The following NUMB variants were observed in gnomAD, a reference collection of about 807,000 sequenced individuals.
NUMB encodes the protein NUMB endocytic adaptor protein, also known as protein numb homolog.
Under a neutral mutation model 59.7 loss-of-function variants are expected in NUMB, and 29 were observed. The observed-to-expected ratio is 0.49, with a 90% CI of 0.36 to 0.66. The LOEUF (loss-of-function observed/expected upper bound fraction) is 0.66. NUMB is among the 30% of genes least tolerant of loss of function. The probability of loss-of-function intolerance (pLI) is 0.00; values close to 1 mark genes in which losing one functional copy is unlikely to be tolerated. For synonymous variants in NUMB, 288 were observed against 288.2 expected (o/e 1.00, Z 0.01); for missense variants, 723 against 822.0 (o/e 0.88, Z 1.47).
intron 2 of NUMB, among the ~76,000 whole-genome samples, chr14:73,380,004 C>A (rs1441562078): frequency 6.6e-6 from 1 of 152,082 alleles, no homozygotes; most frequent in African/African-American, 2.4e-5. Flanking sequence ...AAACAGGGAA[C>A]CAGTTAGAAA....
At chr14:73,379,460 C>T (rs1895125665) in intron 2 of NUMB, among the ~76,000 whole-genome samples, 1 of 152,032 alleles carries the variant, frequency 6.6e-6, no homozygotes. Flanking sequence ...TTTGGAGAGA[C>T]TGTCAAAATA....
intron 2 of NUMB, among the ~76,000 whole-genome samples, chr14:73,377,689 G>A (rs61985812): frequency 1.3e-5 from 2 of 151,792 alleles, no homozygotes; most frequent in African/African-American, 2.4e-5. Flanking sequence ...ATATAGGGCC[G>A]GGCATGGTGG....
intron 5 of NUMB, among the ~76,000 whole-genome samples, chr14:73,322,375 C>T (rs187760863): frequency 6.6e-6 from 1 of 152,318 alleles, no homozygotes; most frequent in Admixed American, 6.5e-5. Context: ...TATCGCATAA[C>T]AGGCAGAGGA....
chr14:73,385,881 C>A lies in NUMB; in HGVS notation c.-100-18900G>T, dbSNP rs377377473. Reference sequence around the variant, plus strand: ...ATCGGAGTAATTGAAAAATTCGTTGCAATGGAGAAAATGAGTTTGATAGTT... The same window carrying A: ...ATCGGAGTAATTGAAAAATTCGTTGAAATGGAGAAAATGAGTTTGATAGTT... On this transcript the variant is annotated intron_variant, in intron 2 of 12. Transcript: ENST00000555238. Among the ~76,000 whole-genome samples, 22 of 152,206 alleles carry A rather than the reference C, an allele frequency of 1.4e-4. No individual in the cohort carries two copies. In the East Asian group the frequency reaches 4.0e-3, roughly 28 times the overall value.
At chr14:73,340,620 T>A (rs1429755975) in intron 4 of NUMB, among the ~76,000 whole-genome samples, 2 of 152,236 alleles carry the variant, frequency 1.3e-5, no homozygotes, top group African/African-American at 4.8e-5. Context: ...GCAGACTCCA[T>A]AAATATCTGC....
At chr14:73,408,268 G>C (rs929655600) in intron 2 of NUMB, among the ~76,000 whole-genome samples, 7 of 151,280 alleles carry the variant, frequency 4.6e-5, no homozygotes, top group Non-Finnish European at 1.0e-4. Flanking sequence ...ATATTTACCA[G>C]AAATTTAGCA....
intron 2 of NUMB, among the ~76,000 whole-genome samples, chr14:73,384,895 T>C (rs886781555): frequency 2.0e-5 from 3 of 149,094 alleles, no homozygotes; most frequent in Non-Finnish European, 4.5e-5. Flanking sequence ...TGTAATTTTT[T>C]TTTTTTTTTT....
At chr14:73,417,508 A>T (rs999598174) in intron 1 of NUMB, among the ~76,000 whole-genome samples, 1 of 151,668 alleles carries the variant, frequency 6.6e-6, no homozygotes, top group Non-Finnish European at 1.5e-5. Context: ...GCCAAGGTCG[A>T]GCCACTGCAC....
At chr14:73,293,262 T>C (rs1041248420) in intron 7 of NUMB, among the ~76,000 whole-genome samples, 1 of 152,192 alleles carries the variant, frequency 6.6e-6, no homozygotes, top group African/African-American at 2.4e-5. Flanking sequence ...CTAACTTCGT[T>C]ACACAATGAA....
chr14:73,440,322 A>C (rs1183502790), intron 1 of NUMB, among the ~76,000 whole-genome samples: 1 of 146,724 alleles, frequency 6.8e-6, no homozygotes, highest in Admixed American at 6.7e-5. Flanking sequence ...TCTCAACAGA[A>C]GAATTGTTGA....
Position 73,352,433 on chromosome 14 carries a change from T to C in NUMB, c.126+3193A>G, listed in dbSNP as rs532937393. Among the ~76,000 whole-genome samples, 80 of 52,670 alleles carry C rather than the reference T, an allele frequency of 1.5e-3. 2 individuals are homozygous for C. Among genetic ancestry groups the C allele is most frequent in the Middle Eastern group, 8.3e-3 (1 of 120 alleles). 34.6% of individuals were successfully genotyped at this position (52,670 alleles called of 152,430 possible). A position where few individuals can be genotyped will look rare whatever the true frequency, so the allele number is the denominator to read the frequency against. Reference sequence around the variant, plus strand: ...ACCTTGGGTTGTAATAATATATATATACACACACACACACACACACACACA... The same window carrying C: ...ACCTTGGGTTGTAATAATATATATACACACACACACACACACACACACACA... On this transcript the variant is annotated intron_variant, in intron 4 of 12. Transcript: ENST00000555238.
intron 6 of NUMB, among the ~76,000 whole-genome samples, chr14:73,316,089 T>C (rs1208098926): frequency 2.0e-5 from 3 of 152,172 alleles, no homozygotes; most frequent in Admixed American, 2.0e-4. Flanking sequence ...TTGGCCAGGC[T>C]GGTCTCGAAC....
chr14:73,339,937 TGACA>T (rs1892542230), intron 4 of NUMB, among the ~76,000 whole-genome samples: 1 of 150,908 alleles, frequency 6.6e-6, no homozygotes, highest in Admixed American at 6.6e-5. Context: ...GGGAAGTTGG[TGACA>T]GACACTCAAG....
intron 2 of NUMB, among the ~76,000 whole-genome samples, chr14:73,392,628 A>G (rs2140100917): frequency 6.6e-6 from 1 of 152,344 alleles, no homozygotes; most frequent in East Asian, 1.9e-4. Context: ...TTTATAGTCA[A>G]CACAGATCTC....
At chr14:73,308,694 T>C (rs765723770) in intron 6 of NUMB, among the ~76,000 whole-genome samples, 5 of 152,130 alleles carry the variant, frequency 3.3e-5, no homozygotes, top group Non-Finnish European at 5.9e-5. Context: ...ATTACATAAA[T>C]GATATTTAAA....
chr14:73,397,470 A>G (rs1896191812), intron 2 of NUMB, among the ~76,000 whole-genome samples: 1 of 152,198 alleles, frequency 6.6e-6, no homozygotes, highest in African/African-American at 2.4e-5. Flanking sequence ...ACCATTGCTA[A>G]TATCAAGCTA....
Position 73,277,211 on chromosome 14 carries a change from G to A in NUMB, c.1323C>T (p.Asp441=). The change falls in exon 13 of 13, where the codon GAC becomes GAT. Residue 441 remains aspartate, a synonymous_variant. Transcript: ENST00000555238. ...AGHRRTPSEA[D]RWLEEVSKSV... is the part of the protein sequence containing the mutation. ...TCTTAGACACCTCTTCTAACCATCG[G>A]TCGGCCTCAGAGGGAGTACGTCTAT... The A allele has an allele frequency of 6.2e-7, 1 of 1,614,072 alleles. No homozygotes were observed. The highest frequency in any genetic ancestry group is 8.5e-7 in the Non-Finnish European group (1 of 1,180,020).
At chr14:73,430,723 C>T (rs1450048073) in intron 1 of NUMB, among the ~76,000 whole-genome samples, 2 of 151,892 alleles carry the variant, frequency 1.3e-5, no homozygotes, top group South Asian at 2.1e-4. Context: ...GGGCAGATCA[C>T]GAGGTCAGGA....
chr14:73,370,513 G>A (rs1292534517), intron 2 of NUMB, among the ~76,000 whole-genome samples: 2 of 152,100 alleles, frequency 1.3e-5, no homozygotes, highest in East Asian at 3.9e-4. Flanking sequence ...CCAACATGGA[G>A]AAACCCCGTC....
Sources: gnomAD v4.1 joint callset for allele counts (sites outside exome capture counted in the v4.1 genomes callset) on GRCh38, gnomAD v4.1.1 for gene constraint, MANE v1.5 for transcripts, NCBI Gene and HGNC (gene_info 2026-07-23, HGNC 2026-07-21) for gene names.